The following AKAP13 variants were observed in gnomAD, a reference collection of about 807,000 sequenced individuals.
AKAP13 encodes A-kinase anchoring protein 13, also known as A-kinase anchor protein 13.
In AKAP13, 80 loss-of-function variants were observed where a neutral mutation model predicts 264.5. The ratio of observed to expected loss-of-function variants is 0.30; its 90% confidence interval spans 0.25 to 0.36. The LOEUF (loss-of-function observed/expected upper bound fraction) is 0.36, where lower values mean the gene tolerates loss of function less well. Among genes scored for constraint, AKAP13 ranks in the 10% least tolerant of loss-of-function variants. The pLI is 1.00. For synonymous variants in AKAP13, 1,380 were observed against 1,250.2 expected (o/e 1.10, Z -2.19); for missense variants, 3,712 against 3,435.2 (o/e 1.08, Z -2.01).
chr15:85,440,974 TAAAAA>T (rs775330449), intron 1 of AKAP13, among the ~76,000 whole-genome samples: 1 of 152,138 alleles, frequency 6.6e-6, no homozygotes, highest in East Asian at 1.9e-4. Flanking sequence ...AGAGAAACTC[TAAAAA>T]AACAAAACAA....
At chr15:85,629,409 A>G (rs1215303733) in intron 8 of AKAP13, among the ~76,000 whole-genome samples, 1 of 152,160 alleles carries the variant, frequency 6.6e-6, no homozygotes, top group Non-Finnish European at 1.5e-5. Flanking sequence ...GCAGGGCTGT[A>G]ATCCTCAGGG....
At chr15:85,495,186 A>G (rs950263029) in intron 2 of AKAP13, among the ~76,000 whole-genome samples, 2 of 152,186 alleles carry the variant, frequency 1.3e-5, no homozygotes, top group African/African-American at 4.8e-5. Context: ...CAGTGAGAGT[A>G]AGACCAAGGC....
At position 85,483,470 on chromosome 15, in the gene AKAP13, C is replaced by CA. The variant is rs549476841; in HGVS notation, c.-11-2234dup. 4.6e-5 allele frequency among the ~76,000 whole-genome samples: 7 copies of CA among 151,316 alleles called. No homozygotes were observed. In the East Asian group the frequency reaches 1.4e-3, roughly 29 times the overall value. On this transcript the variant is annotated intron_variant, in intron 1 of 36. Coordinates refer to ENST00000394518, the MANE Select transcript of AKAP13 (RefSeq NM_007200.5). ...TGAAACCCCGTCTCTACTAAATATA[C>CA]AAAAAATTAGCCGGTTGCGGTGGCG...
At chr15:85,554,694 G>A (rs888659895) in intron 5 of AKAP13, among the ~76,000 whole-genome samples, 27 of 151,724 alleles carry the variant, frequency 1.8e-4, no homozygotes, top group Admixed American at 1.5e-3. Flanking sequence ...CAATCGTTTC[G>A]GGTGTCCAGA....
At chr15:85,733,089 G>A (rs1338369366) in intron 30 of AKAP13, among the ~76,000 whole-genome samples, 1 of 152,168 alleles carries the variant, frequency 6.6e-6, no homozygotes, top group South Asian at 2.1e-4. Flanking sequence ...TCTTAGGTCA[G>A]TCACCCTCTA....
At chr15:85,556,226 A>G (rs1202191940) in intron 5 of AKAP13, among the ~76,000 whole-genome samples, 3 of 152,260 alleles carry the variant, frequency 2.0e-5, no homozygotes, top group Non-Finnish European at 4.4e-5. Context: ...AGTAAATAAT[A>G]AACCAACAAC....
chr15:85,741,435 G>A lies in AKAP13; in HGVS notation c.7998G>A (p.Glu2666=), dbSNP rs1216267802. 1.2e-6 allele frequency: 2 copies of A among 1,610,252 alleles called. No homozygotes were observed. Among genetic ancestry groups the A allele is most frequent in the Non-Finnish European group, 8.5e-7 (1 of 1,177,112 alleles). Residue 2666 remains glutamate, a synonymous_variant, in exon 35 of 37, where the codon GAG becomes GAA. Transcript: ENST00000394518. ...AAQKQLEREQ[E]QLRREAERLS... is the part of the protein sequence containing the mutation. ...AGAAACAGCTTGAGAGGGAACAGGA[G>A]CAGCTGCGCCGGGAGGCAGAGCGGC... is the stretch of plus-strand genomic sequence containing the variant.
At chr15:85,723,516 A>T (rs1949544293) in intron 26 of AKAP13, among the ~76,000 whole-genome samples, 196 bp downstream of exon 26, 1 of 152,204 alleles carries the variant, frequency 6.6e-6, no homozygotes, top group African/African-American at 2.4e-5. Flanking sequence ...AATCATACAA[A>T]ATAGAGGAAG....
intron 8 of AKAP13, among the ~76,000 whole-genome samples, chr15:85,620,800 G>C (rs2081150744): frequency 6.6e-6 from 1 of 152,180 alleles, no homozygotes; most frequent in African/African-American, 2.4e-5. Context: ...CCGCATTAGT[G>C]ATGTTTGGTG....
chr15:85,579,060 C>T lies in AKAP13; in HGVS notation c.992C>T (p.Ser331Phe), dbSNP rs116090433. ...GAGCCCACGGACCCTCAGCGACTTT[C>T]TTCTTCTGAAGAGACTGAGAGCACT... The part of the protein sequence containing the change: ...APEPTDPQRL[S>F]SSEETESTQC... Residue 331 changes from serine to phenylalanine, a missense_variant, in exon 7 of 37, where the codon TCT becomes TTT. Transcript: ENST00000394518. The T allele has an allele frequency of 3.1e-4, 495 of 1,614,174 alleles. 1 individual carries two copies. In the African/African-American group the frequency reaches 6.0e-3, roughly 20 times the overall value.
At chr15:85,575,770 G>A (rs1408504807) in intron 6 of AKAP13, among the ~76,000 whole-genome samples, 2 of 152,168 alleles carry the variant, frequency 1.3e-5, no homozygotes, top group Non-Finnish European at 1.5e-5. Flanking sequence ...CAACACAGGT[G>A]GATCACTTGA....
chr15:85,662,147 G>T (rs1342949707), intron 12 of AKAP13, among the ~76,000 whole-genome samples: 1 of 152,208 alleles, frequency 6.6e-6, no homozygotes, highest in Admixed American at 6.5e-5. Flanking sequence ...TGGTGATACT[G>T]TAAAGAACCC....
chr15:85,553,634 T>C (rs2151240310), intron 5 of AKAP13, among the ~76,000 whole-genome samples: 1 of 152,304 alleles, frequency 6.6e-6, no homozygotes, highest in Non-Finnish European at 1.5e-5. Flanking sequence ...AACTGGCCAA[T>C]AGAATTTCTG....
At chr15:85,444,487 G>C (rs2073831079) in intron 1 of AKAP13, among the ~76,000 whole-genome samples, 1 of 152,196 alleles carries the variant, frequency 6.6e-6, no homozygotes, top group African/African-American at 2.4e-5. Flanking sequence ...CCTTTGACTT[G>C]GTTGCAGAAC....
chr15:85,624,062 C>G (rs1456738594), intron 8 of AKAP13, among the ~76,000 whole-genome samples: 4 of 152,180 alleles, frequency 2.6e-5, no homozygotes, highest in Admixed American at 6.5e-5. Context: ...CAGAAACTGA[C>G]TGTAAAATTA....
At chr15:85,701,257 T>A (rs1421126858) in intron 17 of AKAP13, 1 of 152,184 alleles carries the variant, frequency 6.6e-6, no homozygotes, top group Non-Finnish European at 1.5e-5. Context: ...CAGTGTGTTA[T>A]CACTAGACTA....
intron 1 of AKAP13, among the ~76,000 whole-genome samples, chr15:85,448,372 G>T: frequency 6.6e-6 from 1 of 152,094 alleles, no homozygotes; most frequent in Non-Finnish European, 1.5e-5. Flanking sequence ...AGCTTAATTA[G>T]ATCCCATTTA....
At chr15:85,546,435 A>G (rs1225915207) in intron 5 of AKAP13, among the ~76,000 whole-genome samples, 2 of 152,124 alleles carry the variant, frequency 1.3e-5, no homozygotes, top group Non-Finnish European at 2.9e-5. Flanking sequence ...ACGGAATACT[A>G]CAGCCTTAAA....
chr15:85,481,384 C>G (rs562781704), intron 1 of AKAP13, among the ~76,000 whole-genome samples: 479 of 152,262 alleles, frequency 3.1e-3, no homozygotes, highest in South Asian at 6.6e-3. Context: ...ACTTTTGCTT[C>G]TCTAATCAAC....
Sources: gnomAD v4.1 joint callset for allele counts (sites outside exome capture counted in the v4.1 genomes callset) on GRCh38, gnomAD v4.1.1 for gene constraint, MANE v1.5 for transcripts, NCBI Gene and HGNC (gene_info 2026-07-23, HGNC 2026-07-21) for gene names.